Variants in LPA observed in about 807,000 individuals in gnomAD.
The protein encoded by LPA is apolipoprotein(a).
In LPA, 199 loss-of-function variants were observed where a neutral mutation model predicts 197.9. The ratio of observed to expected loss-of-function variants is 1.01; its 90% CI spans 0.90 to 1.13. LPA has a LOEUF of 1.13. Ranked by LOEUF, LPA falls within the 50% of genes most tolerant of loss-of-function variation. The pLI, the probability that LPA is intolerant of heterozygous loss-of-function variation, is 0.00. For synonymous variants in LPA, 715 were observed against 639.5 expected, an observed-to-expected ratio of 1.12 and a Z score of -1.78; for missense variants, 1,853 against 1,785.8, an observed-to-expected ratio of 1.04 and a Z score of -0.68.
At position 160,576,396 on chromosome 6, in the gene LPA, A is replaced by ATATACACATATATATATATATATATGTG. The variant is rs1583590589; in HGVS notation, c.4631+739_4631+740insCACATATATATATATATATATGTGTATA. ...TATATATATATATATATATGTATAT[A>ATATACACATATATATATATATATATGTG]TATATATATATATATATATGGGTAT... On this transcript the variant is annotated intron_variant, in intron 28 of 38. Coordinates refer to ENST00000316300, the MANE Select transcript of LPA (RefSeq NM_005577.4). Among the ~76,000 whole-genome samples, 4 of 46,940 alleles carry ATATACACATATATATATATATATATGTG rather than the reference A, an allele frequency of 8.5e-5. No individual in the cohort carries two copies. The East Asian group carries it at 3.0e-3, about 35-fold the overall frequency. The allele number at this position is 46,940 out of a possible 152,430, so 30.8% of individuals were successfully genotyped here.
chr6:160,660,155 A>G (rs1780201052), intron 1 of LPA, among the ~76,000 whole-genome samples: 1 of 152,214 alleles, frequency 6.6e-6, no homozygotes, highest in Non-Finnish European at 1.5e-5. Flanking sequence ...CACCCAAAGA[A>G]GGTTGTATAG....
At chr6:160,660,705 G>T (rs1050460194) in intron 1 of LPA, among the ~76,000 whole-genome samples, 1 of 152,084 alleles carries the variant, frequency 6.6e-6, no homozygotes, top group African/African-American at 2.4e-5. Context: ...TTGGTGCATG[G>T]ATGATGTTGG....
intron 35 of LPA, 35 bp from the exon 36 acceptor site, chr6:160,540,218 G>A (rs775316652): frequency 6.2e-7 from 1 of 1,613,788 alleles, no homozygotes; most frequent in South Asian, 1.1e-5. Flanking sequence ...GAAAAATATG[G>A]TCCAGCCCCT....
At chr6:160,564,333 G>A (rs780062185) in intron 28 of LPA, among the ~76,000 whole-genome samples, 13 of 152,172 alleles carry the variant, frequency 8.5e-5, no homozygotes, top group Admixed American at 6.5e-4. Context: ...AGCTTAGTTT[G>A]GCTGGATATG....
At chr6:160,566,806 G>C (rs1489288894) in intron 28 of LPA, among the ~76,000 whole-genome samples, 1 of 152,122 alleles carries the variant, frequency 6.6e-6, no homozygotes, top group South Asian at 2.1e-4. Flanking sequence ...GATCTACCAA[G>C]CAAATGGAAA....
chr6:160,585,257 T>TGAA, intron 25 of LPA, 52 bp from the exon 26 acceptor site: 1 of 1,582,904 alleles, frequency 6.3e-7, no homozygotes, highest in Non-Finnish European at 8.7e-7. Context: ...AAGGGAAATG[T>TGAA]GAAAAAAATT....
chr6:160,606,242 G>A (rs1779347293), intron 17 of LPA, among the ~76,000 whole-genome samples: 3 of 152,164 alleles, frequency 2.0e-5, no homozygotes, highest in Admixed American at 2.0e-4. Flanking sequence ...GAGTTGTGAA[G>A]TCGATCACCC....
intron 20 of LPA, among the ~76,000 whole-genome samples, chr6:160,599,253 G>T (rs1273915390): frequency 6.6e-6 from 1 of 152,188 alleles, no homozygotes; most frequent in Admixed American, 6.5e-5. Flanking sequence ...TGAAGCAGGA[G>T]AATGGTGTGA....
intron 18 of LPA, among the ~76,000 whole-genome samples, chr6:160,601,652 G>A (rs1779244072): frequency 6.6e-6 from 1 of 152,184 alleles, no homozygotes; most frequent in South Asian, 2.1e-4. Context: ...TCTATGTTCA[G>A]CATGTAAAAC....
At chr6:160,557,871 A>G (rs1391144395) in intron 28 of LPA, among the ~76,000 whole-genome samples, 1 of 152,182 alleles carries the variant, frequency 6.6e-6, no homozygotes, top group Admixed American at 6.5e-5. Flanking sequence ...TCCTTCTGCC[A>G]ACTGCATTCC....
intron 1 of LPA, among the ~76,000 whole-genome samples, chr6:160,656,664 G>A (rs1331231601): frequency 1.3e-5 from 2 of 152,138 alleles, no homozygotes; most frequent in Non-Finnish European, 2.9e-5. Flanking sequence ...GGTCTCCTTA[G>A]GGAAGGATGG....
chr6:160,541,112 C>T lies in LPA; in HGVS notation c.5589G>A (p.Leu1863=). 3 of 1,614,058 alleles carry T rather than the reference C, an allele frequency of 1.9e-6. No individual in the cohort carries two copies. Among genetic ancestry groups the T allele is most frequent in the Non-Finnish European group, 1.7e-6 (2 of 1,179,922 alleles). The part of the protein sequence containing the change: ...PEWVLTAAHC[L]KKSSRPSSYK... ...CAGTTTTCCCTTAAACGTACTTCTT[C>T]AAGCAGTGAGCAGCAGTCAGCACCC... The change falls in exon 35 of 39, where the codon TTG becomes TTA. Residue 1863 remains leucine, a synonymous_variant. Transcript: ENST00000316300.
intron 28 of LPA, among the ~76,000 whole-genome samples, chr6:160,576,364 A>G (rs1277480768): frequency 1.9e-4 from 4 of 21,156 alleles, no homozygotes; most frequent in African/African-American, 7.3e-4. Flanking sequence ...ATATATATAT[A>G]TACATATATA....
intron 30 of LPA, among the ~76,000 whole-genome samples, chr6:160,553,014 C>T (rs963884446): frequency 2.0e-5 from 3 of 151,912 alleles, no homozygotes; most frequent in Admixed American, 1.3e-4. Context: ...TTATAATATC[C>T]CACCTTAAAC....
At chr6:160,580,054 A>G (rs905049978) in intron 26 of LPA, among the ~76,000 whole-genome samples, 1 of 152,086 alleles carries the variant, frequency 6.6e-6, no homozygotes, top group African/African-American at 2.4e-5. Flanking sequence ...CCCTCTTCCC[A>G]CGGCCAGTGT....
chr6:160,657,959 C>T (rs1780159739), intron 1 of LPA, among the ~76,000 whole-genome samples: 1 of 152,248 alleles, frequency 6.6e-6, no homozygotes, highest in South Asian at 2.1e-4. Flanking sequence ...AGGAATTTAG[C>T]CTAGTTATAG....
intron 22 of LPA, among the ~76,000 whole-genome samples, chr6:160,591,594 A>G (rs1779031055): frequency 1.3e-5 from 2 of 152,206 alleles, no homozygotes; most frequent in South Asian, 4.1e-4. Context: ...ATTTATTCAC[A>G]TACAGTTTTT....
At chr6:160,545,014 T>C (rs976801314) in intron 33 of LPA, among the ~76,000 whole-genome samples, 5 of 152,202 alleles carry the variant, frequency 3.3e-5, no homozygotes. Context: ...AGGTTTACAA[T>C]GTGCATTACA....
intron 26 of LPA, among the ~76,000 whole-genome samples, chr6:160,582,059 T>C (rs963745168): frequency 6.6e-6 from 1 of 152,148 alleles, no homozygotes; most frequent in African/African-American, 2.4e-5. Context: ...TGAAACATTC[T>C]TTTATTTGTT....
Sources: gnomAD v4.1 joint callset for allele counts (sites outside exome capture counted in the v4.1 genomes callset) on GRCh38, gnomAD v4.1.1 for gene constraint, MANE v1.5 for transcripts, NCBI Gene and HGNC (gene_info 2026-07-23, HGNC 2026-07-21) for gene names.